BRAF: variants seen among roughly 807,000 people sequenced by gnomAD.
The protein encoded by BRAF is serine/threonine-protein kinase B-raf.
BRAF carries 16 observed loss-of-function variants against 104.6 expected under a neutral mutation model. That is an observed-to-expected ratio of 0.15 (90% confidence interval 0.10 to 0.23). The LOEUF (loss-of-function observed/expected upper bound fraction) is 0.23. BRAF is among the 10% of genes least tolerant of loss of function. The pLI, the probability that BRAF is intolerant of heterozygous loss-of-function variation, is 1.00. For synonymous variants in BRAF, 310 were observed against 341.6 expected (o/e 0.91, Z 1.02); for missense variants, 541 against 937.3 (o/e 0.58, Z 5.52).
intron 14 of BRAF, among the ~76,000 whole-genome samples, chr7:140,756,842 G>GA (rs1798243445): frequency 6.6e-6 from 1 of 152,188 alleles, no homozygotes; most frequent in Admixed American, 6.5e-5. Context: ...TCCACCTATA[G>GA]AACCATTTAA....
intron 1 of BRAF, among the ~76,000 whole-genome samples, chr7:140,853,564 G>GT (rs767999502): frequency 2.0e-5 from 3 of 152,104 alleles, no homozygotes; most frequent in Non-Finnish European, 4.4e-5. Flanking sequence ...TATACTCCCA[G>GT]TGCAGGACTT....
At chr7:140,749,464 A>C in intron 16 of BRAF, 46 bp from the exon 16 acceptor site, 1 of 1,595,542 alleles carries the variant, frequency 6.3e-7, no homozygotes, top group Non-Finnish European at 8.6e-7. Context: ...CAATTGAATA[A>C]AGACTGAAAA....
intron 1 of BRAF, among the ~76,000 whole-genome samples, chr7:140,868,204 G>A (rs1460548853): frequency 6.6e-6 from 1 of 152,180 alleles, no homozygotes; most frequent in Admixed American, 6.5e-5. Flanking sequence ...CTTTGGAGTG[G>A]CTTTTGTACA....
At chr7:140,901,942 C>G (rs1815692683) in intron 1 of BRAF, among the ~76,000 whole-genome samples, 1 of 152,216 alleles carries the variant, frequency 6.6e-6, no homozygotes, top group South Asian at 2.1e-4. Context: ...GCCTAGCATA[C>G]AACTCAGCAC....
At chr7:140,853,346 T>A (rs957044113) in intron 1 of BRAF, among the ~76,000 whole-genome samples, 2 of 152,000 alleles carry the variant, frequency 1.3e-5, no homozygotes, top group Non-Finnish European at 2.9e-5. Flanking sequence ...CACCCCAACC[T>A]AGGCAACAGA....
At chr7:140,770,676 C>T (rs896436351) in intron 14 of BRAF, among the ~76,000 whole-genome samples, 6 of 152,090 alleles carry the variant, frequency 3.9e-5, no homozygotes, top group African/African-American at 1.4e-4. Context: ...TGACTCACGC[C>T]TGTAATCCCA....
chr7:140,725,363 T>C lies in BRAF; in HGVS notation c.*1131A>G, dbSNP rs1469433453. ...GTAGAGAAAAGGATAATGATCTTTC[T>C]TAAAAGTTGTTTATATAACAAAAAT... On this transcript the variant is annotated 3_prime_UTR_variant, in exon 20 of 20. Transcript: ENST00000644969. The C allele has an allele frequency of 2.0e-6, 2 of 983,590 alleles. No individual in the cohort carries two copies. Among genetic ancestry groups the C allele is most frequent in the Non-Finnish European group, 1.2e-6 (1 of 811,898 alleles). The allele number at this position is 983,590 out of a possible 1,614,324, so 60.9% of individuals were successfully genotyped here.
At chr7:140,826,349 A>C (rs1240513670) in intron 3 of BRAF, among the ~76,000 whole-genome samples, 1 of 151,982 alleles carries the variant, frequency 6.6e-6, no homozygotes, top group Non-Finnish European at 1.5e-5. Flanking sequence ...CTATGTTTTC[A>C]ATTTTTCCAA....
chr7:140,724,575 A>C lies in BRAF; in HGVS notation c.*1919T>G, dbSNP rs1004330333. 1.9e-6 allele frequency: 2 copies of C among 1,040,938 alleles called. No individual in the cohort carries two copies. The highest frequency in any genetic ancestry group is 9.2e-5 in the South Asian group (2 of 21,754). 64.5% of individuals were successfully genotyped at this position (1,040,938 alleles called of 1,614,324 possible). A position where few individuals can be genotyped will look rare whatever the true frequency, so the allele number is the denominator to read the frequency against. On this transcript the variant is annotated 3_prime_UTR_variant, in exon 20 of 20. Coordinates refer to ENST00000644969, the MANE Select transcript of BRAF (RefSeq NM_001374258.1). ...AGGATCTTTTCCATTTTACTAGGAC[A>C]ACCTTTTACAAGACAATGAAAATTT...
chr7:140,909,842 CAACAA>C (rs1816776180), intron 1 of BRAF, among the ~76,000 whole-genome samples: 1 of 148,042 alleles, frequency 6.8e-6, no homozygotes, highest in Admixed American at 6.6e-5. Flanking sequence ...ACAACAACAA[CAACAA>C]AAAAGTGCCT....
chr7:140,810,735 T>G (rs925865621), intron 3 of BRAF, among the ~76,000 whole-genome samples: 1 of 152,204 alleles, frequency 6.6e-6, no homozygotes, highest in Non-Finnish European at 1.5e-5. Flanking sequence ...TAAAATTTAT[T>G]TGTAACTCTA....
the BRAF span, among the ~76,000 whole-genome samples, chr7:140,713,401 A>T: frequency 2.6e-5 from 4 of 152,282 alleles, no homozygotes; most frequent in East Asian, 7.7e-4. Flanking sequence ...AGTTGATCGA[A>T]TCGGCTACTG....
chr7:140,880,077 T>G (rs1013133944), intron 1 of BRAF, among the ~76,000 whole-genome samples: 7 of 152,170 alleles, frequency 4.6e-5, no homozygotes, highest in Non-Finnish European at 1.0e-4. Flanking sequence ...CTGTGCCGAC[T>G]GACTTTTTTT....
intron 1 of BRAF, among the ~76,000 whole-genome samples, chr7:140,897,180 C>A (rs1016246635): frequency 6.6e-6 from 1 of 151,586 alleles, no homozygotes; most frequent in African/African-American, 2.4e-5. Context: ...AGAGAAGAGA[C>A]TGGCATTACC....
chr7:140,731,171 A>G (rs958002463), intron 19 of BRAF: 37 of 152,076 alleles, frequency 2.4e-4, no homozygotes, highest in African/African-American at 8.9e-4. Context: ...GTGCACCACT[A>G]TGCTTGGCTA....
At chr7:140,768,836 T>C (rs1321363920) in intron 14 of BRAF, among the ~76,000 whole-genome samples, 2 of 151,854 alleles carry the variant, frequency 1.3e-5, no homozygotes, top group African/African-American at 4.8e-5. Context: ...GGGGTTGCTA[T>C]AGAGTGAGGC....
chr7:140,909,155 G>A (rs1013517183), intron 1 of BRAF, among the ~76,000 whole-genome samples: 1 of 152,168 alleles, frequency 6.6e-6, no homozygotes, highest in Non-Finnish European at 1.5e-5. Context: ...GCTGGGCACA[G>A]TGGTTCATGC....
chr7:140,772,284 A>G (rs972619880), intron 14 of BRAF, among the ~76,000 whole-genome samples: 1 of 150,908 alleles, frequency 6.6e-6, no homozygotes, highest in Admixed American at 6.6e-5. Flanking sequence ...CAACAACAAC[A>G]ACAACAACAA....
At chr7:140,807,065 T>C (rs1803727414) in intron 5 of BRAF, among the ~76,000 whole-genome samples, 1 of 152,216 alleles carries the variant, frequency 6.6e-6, no homozygotes, top group Admixed American at 6.5e-5. Flanking sequence ...CCTGCCATTT[T>C]AGGGGATAAG....
Sources: allele counts gnomAD v4.1 joint callset (sites outside exome capture counted in the v4.1 genomes callset), GRCh38; gene constraint gnomAD v4.1.1; transcripts MANE v1.5; gene names NCBI Gene and HGNC (gene_info 2026-07-23, HGNC 2026-07-21).